PPP1R16B: variants seen among roughly 807,000 people sequenced by gnomAD.
The protein encoded by PPP1R16B is protein phosphatase 1 regulatory inhibitor subunit 16B.
Under a neutral mutation model 61.7 loss-of-function variants are expected in PPP1R16B, and 14 were observed. The ratio of observed to expected loss-of-function variants is 0.23; its 90% CI spans 0.15 to 0.35. The LOEUF (loss-of-function observed/expected upper bound fraction) is 0.35, where lower values mean the gene tolerates loss of function less well. Ranked by LOEUF, PPP1R16B falls within the 10% of genes least tolerant of loss-of-function variation. PPP1R16B has a pLI of 1.00. For synonymous variants in PPP1R16B, 266 were observed against 305.3 expected, an observed-to-expected ratio of 0.87 and a Z score of 1.34; for missense variants, 547 against 752.5, an observed-to-expected ratio of 0.73 and a Z score of 3.19.
intron 10 of PPP1R16B, among the ~76,000 whole-genome samples, chr20:38,912,081 C>G (rs1022815521): frequency 7.3e-5 from 11 of 150,642 alleles, no homozygotes; most frequent in Non-Finnish European, 1.2e-4. Context: ...CTTGCCAACC[C>G]TTGGTATAGT....
At chr20:38,867,417 A>T (rs1023056016) in intron 2 of PPP1R16B, among the ~76,000 whole-genome samples, 7 of 152,202 alleles carry the variant, frequency 4.6e-5, no homozygotes, top group Non-Finnish European at 8.8e-5. Flanking sequence ...GAGCGAGACC[A>T]TCTGGGCTCA....
Position 38,806,070 on chromosome 20 carries a change from T to G in PPP1R16B, c.-102+278T>G, listed in dbSNP as rs992726772. On this transcript the variant is annotated intron_variant, in intron 1 of 10. Coordinates refer to ENST00000299824, the MANE Select transcript of PPP1R16B (RefSeq NM_015568.4). This position sits in a 1 kb window ranked among gnomAD's most constrained non-coding sequence, Gnocchi z 4.5. The stretch of plus-strand genomic sequence containing the variant: ...CCAGGGGAGGGGGCGCATTGGCAGG[T>G]TGTTGGCTGCGGCCGTCGTAGACCG... Among the ~76,000 whole-genome samples the G allele has an allele frequency of 2.0e-5, 3 of 151,304 alleles. No individual in the cohort carries two copies. Among genetic ancestry groups the G allele is most frequent in the African/African-American group, 7.3e-5 (3 of 41,080 alleles).
chr20:38,898,723 C>T (rs6015980), intron 4 of PPP1R16B, among the ~76,000 whole-genome samples: 36,457 of 151,780 alleles, frequency 0.24, 4,868 homozygotes, highest in African/African-American at 0.35. Context: ...GGCAGGAGAA[C>T]TGCTTGAACC....
chr20:38,855,927 T>TAG (rs2085002378), intron 2 of PPP1R16B, among the ~76,000 whole-genome samples: 13 of 54,762 alleles, frequency 2.4e-4, no homozygotes, highest in Non-Finnish European at 3.5e-4. Flanking sequence ...TATATATATA[T>TAG]ATATATATAT....
At chr20:38,888,339 C>G (rs1354723033) in intron 2 of PPP1R16B, among the ~76,000 whole-genome samples, 2 of 152,218 alleles carry the variant, frequency 1.3e-5, no homozygotes, top group Non-Finnish European at 2.9e-5. Flanking sequence ...GCCACCCACA[C>G]AAGCCAGCTT....
At chr20:38,906,877 A>G (rs1336292637) in intron 7 of PPP1R16B, 102 bp from the exon 8 acceptor site, 4 of 948,504 alleles carry the variant, frequency 4.2e-6, no homozygotes, top group African/African-American at 3.3e-5. Flanking sequence ...TTGTCCCACC[A>G]TTCTTTGGGT....
chr20:38,905,965 C>A lies in PPP1R16B; in HGVS notation c.697-4C>A. ...GGAATGCTCACTTCTTTCCTCTCCTCCAGCTGCACATAGCTGGAGCCAATG... is the reference window on the plus strand; with the variant it reads ...GGAATGCTCACTTCTTTCCTCTCCTACAGCTGCACATAGCTGGAGCCAATG... On this transcript the variant is annotated splice_polypyrimidine_tract_variant and splice_region_variant and intron_variant, in intron 6 of 10. Transcript: ENST00000299824. The A allele has an allele frequency of 6.2e-7, 1 of 1,612,246 alleles. No individual in the cohort carries two copies. The highest frequency in any genetic ancestry group is 8.5e-7 in the Non-Finnish European group (1 of 1,179,264).
At chr20:38,886,260 A>G (rs2085244041) in intron 2 of PPP1R16B, among the ~76,000 whole-genome samples, 3 of 152,178 alleles carry the variant, frequency 2.0e-5, no homozygotes, top group Admixed American at 2.0e-4. Context: ...AGGGCTTCCT[A>G]GAGATGGGAA....
At chr20:38,844,907 T>C (rs1229181396) in intron 2 of PPP1R16B, among the ~76,000 whole-genome samples, 1 of 152,114 alleles carries the variant, frequency 6.6e-6, no homozygotes, top group Non-Finnish European at 1.5e-5. Flanking sequence ...GAACCACTGG[T>C]TTATGGGGGT....
At chr20:38,837,908 TTG>T (rs1344444574) in intron 2 of PPP1R16B, among the ~76,000 whole-genome samples, 2 of 152,216 alleles carry the variant, frequency 1.3e-5, no homozygotes, top group Non-Finnish European at 2.9e-5. Context: ...TATATTATTT[TTG>T]TGTCTCATGA....
rs1222233860 is a variant in PPP1R16B at position 38,806,977 on chromosome 20, G to A, written c.-102+1185G>A. On this transcript the variant is annotated intron_variant, in intron 1 of 10. Transcript: ENST00000299824. The surrounding 1 kb of genome is among the most constrained non-coding windows in gnomAD (Gnocchi z 4.5). ...CATGTGATTGCATTTCACATAAAGGGCCCCTGTTTTCACTGTCAGAAGAGC... is the reference window on the plus strand; with the variant it reads ...CATGTGATTGCATTTCACATAAAGGACCCCTGTTTTCACTGTCAGAAGAGC... 1.3e-5 allele frequency among the ~76,000 whole-genome samples: 2 copies of A among 152,182 alleles called. No homozygotes were observed. The highest frequency in any genetic ancestry group is 4.8e-5 in the African/African-American group (2 of 41,460).
chr20:38,859,654 G>A (rs989685008), intron 2 of PPP1R16B, among the ~76,000 whole-genome samples: 9 of 151,998 alleles, frequency 5.9e-5, no homozygotes, highest in African/African-American at 2.2e-4. Flanking sequence ...ACCACACCTG[G>A]CTGATTTTTA....
At position 38,835,857 on chromosome 20, in the gene PPP1R16B, C is replaced by T. The variant is rs2084865732; in HGVS notation, c.-69C>T. On this transcript the variant is annotated 5_prime_UTR_variant, in exon 2 of 11. Transcript: ENST00000299824. ...CATGAGGCCCCAGCCCCACCAGAGG[C>T]CCCGCGCTGCCCTGGCCCCCGGTGC... 10 of 1,451,970 alleles carry T rather than the reference C, an allele frequency of 6.9e-6. No individual in the cohort carries two copies. The East Asian group carries it at 2.5e-4, about 36-fold the overall frequency. 89.9% of individuals were successfully genotyped at this position (1,451,970 alleles called of 1,614,324 possible). A position where few individuals can be genotyped will look rare whatever the true frequency, so the allele number is the denominator to read the frequency against.
chr20:38,886,803 C>G (rs1432099669), intron 2 of PPP1R16B, among the ~76,000 whole-genome samples: 1 of 152,196 alleles, frequency 6.6e-6, no homozygotes. Flanking sequence ...CCAATTGGGT[C>G]AAGGTCCTAG....
chr20:38,911,978 T>A (rs1454084662), intron 10 of PPP1R16B, among the ~76,000 whole-genome samples: 2 of 152,084 alleles, frequency 1.3e-5, no homozygotes, highest in Admixed American at 1.3e-4. Flanking sequence ...GCAGCTGGAG[T>A]CACGGGTAGG....
At chr20:38,905,728 C>G (rs1477941587) in intron 6 of PPP1R16B, among the ~76,000 whole-genome samples, 3 of 152,218 alleles carry the variant, frequency 2.0e-5, no homozygotes, top group Non-Finnish European at 4.4e-5. Flanking sequence ...AATGCTATCG[C>G]TTTAACCACA....
intron 1 of PPP1R16B, among the ~76,000 whole-genome samples, chr20:38,832,338 G>T (rs2084842615): frequency 6.6e-6 from 1 of 152,210 alleles, no homozygotes; most frequent in Non-Finnish European, 1.5e-5. Flanking sequence ...TCACAGAGCA[G>T]GACTTCATTA....
intron 1 of PPP1R16B, among the ~76,000 whole-genome samples, chr20:38,826,917 T>TA (rs1369093502): frequency 1.3e-5 from 2 of 152,330 alleles, no homozygotes; most frequent in East Asian, 1.9e-4. Context: ...TTGTTCTTTT[T>TA]AAAAAATTAT....
At chr20:38,848,209 G>A (rs2084947195) in intron 2 of PPP1R16B, among the ~76,000 whole-genome samples, 1 of 152,098 alleles carries the variant, frequency 6.6e-6, no homozygotes, top group Admixed American at 6.5e-5. Context: ...CTCATCTAGT[G>A]ATGTATATTA....
Sources: gnomAD v4.1 joint callset for allele counts (sites outside exome capture counted in the v4.1 genomes callset) on GRCh38, gnomAD v4.1.1 for gene constraint, Gnocchi (gnomAD v3.1) non-coding constraint, MANE v1.5 for transcripts, NCBI Gene and HGNC (gene_info 2026-07-23, HGNC 2026-07-21) for gene names.